Variants in P3H2 observed in about 807,000 individuals in gnomAD.
The protein encoded by P3H2 is leprecan-like 1.
P3H2 carries 80 observed loss-of-function variants against 87.0 expected under a neutral mutation model. That is an observed-to-expected ratio of 0.92 (90% CI 0.77 to 1.11). The LOEUF (loss-of-function observed/expected upper bound fraction) is 1.11. Ranked by LOEUF, P3H2 falls within the 50% of genes least tolerant of loss-of-function variation. The pLI, the probability that P3H2 is intolerant of heterozygous loss-of-function variation, is 0.00. For synonymous variants in P3H2, 367 were observed against 359.3 expected (o/e 1.02, Z -0.24); for missense variants, 1,001 against 923.9 (o/e 1.08, Z -1.08).
At chr3:189,988,649 A>C (rs1723781319) in intron 4 of P3H2, among the ~76,000 whole-genome samples, 1 of 152,182 alleles carries the variant, frequency 6.6e-6, no homozygotes, top group Admixed American at 6.5e-5. Context: ...TAAAAAAATT[A>C]AGTCTAAAAA....
chr3:190,088,064 G>A (rs1358445760), intron 1 of P3H2, among the ~76,000 whole-genome samples: 2 of 151,966 alleles, frequency 1.3e-5, no homozygotes, highest in Non-Finnish European at 2.9e-5. Flanking sequence ...CAAGGTAAGC[G>A]CAACAGAGAC....
At chr3:190,113,011 A>G (rs917548706) in intron 1 of P3H2, among the ~76,000 whole-genome samples, 1 of 152,220 alleles carries the variant, frequency 6.6e-6, no homozygotes, top group Non-Finnish European at 1.5e-5. Flanking sequence ...TCTTGGCTGA[A>G]TAACTTATGT....
chr3:190,071,794 A>G (rs1206216644), intron 1 of P3H2, among the ~76,000 whole-genome samples: 1 of 152,124 alleles, frequency 6.6e-6, no homozygotes, highest in Non-Finnish European at 1.5e-5. Context: ...ATTATAGGTG[A>G]TCAATAATTG....
intron 1 of P3H2, among the ~76,000 whole-genome samples, chr3:190,036,798 T>G (rs1019499567): frequency 1.3e-5 from 2 of 152,124 alleles, no homozygotes; most frequent in African/African-American, 4.8e-5. Flanking sequence ...GATGATCCCT[T>G]CTCCTCCACT....
intron 3 of P3H2, among the ~76,000 whole-genome samples, chr3:189,993,640 T>C (rs1723949490): frequency 6.6e-6 from 1 of 152,158 alleles, no homozygotes; most frequent in Non-Finnish European, 1.5e-5. Context: ...TTTATAATAA[T>C]GAAAAATTTC....
chr3:190,112,609 G>A (rs1712112828), intron 1 of P3H2, among the ~76,000 whole-genome samples: 1 of 152,074 alleles, frequency 6.6e-6, no homozygotes, highest in South Asian at 2.1e-4. Context: ...GACAATGCAG[G>A]GGTAGGGCCA....
intron 1 of P3H2, among the ~76,000 whole-genome samples, chr3:190,027,542 C>T (rs557182068): frequency 6.6e-6 from 1 of 151,294 alleles, no homozygotes; most frequent in South Asian, 2.1e-4. Context: ...TATAAAAGGG[C>T]TTGTACATAT....
At position 190,083,948 on chromosome 3, in the gene P3H2, C is replaced by G. The variant is rs1428294467; in HGVS notation, c.480+36304G>C. Among the ~76,000 whole-genome samples the G allele has an allele frequency of 3.3e-5, 5 of 152,244 alleles. No individual in the cohort carries two copies. The East Asian group carries it at 9.6e-4, about 29-fold the overall frequency. On this transcript the variant is annotated intron_variant, in intron 1 of 14. Transcript: ENST00000319332. The stretch of plus-strand genomic sequence containing the variant: ...ATGTTTTCATTTTAATAACATTCTT[C>G]TAGGTTAAGAGTCTAAGTACCTAAT...
chr3:190,107,228 T>C (rs1408608712), intron 1 of P3H2, among the ~76,000 whole-genome samples: 2 of 152,182 alleles, frequency 1.3e-5, no homozygotes, highest in Non-Finnish European at 2.9e-5. Flanking sequence ...TTTCTTGATA[T>C]ATATTTGGAT....
chr3:190,007,441 T>C (rs1266835787), intron 1 of P3H2, among the ~76,000 whole-genome samples: 1 of 152,158 alleles, frequency 6.6e-6, no homozygotes. Context: ...CTAGTTTGTG[T>C]TTGATATAAT....
At chr3:189,969,228 C>T (rs1003219782) in intron 13 of P3H2, 6 of 752,754 alleles carry the variant, frequency 8.0e-6, no homozygotes, top group African/African-American at 5.2e-5. Context: ...TGGCAATACT[C>T]GCATAACAAA....
rs1009252626 is a variant in P3H2, at chr3:190,020,742, C to G, written c.481-25300G>C. On this transcript the variant is annotated intron_variant, in intron 1 of 14. Transcript: ENST00000319332. ...TCTGGCTGGGCGGCTGCTACCCACA[C>G]GTTGATTACTTTAAGCCTGCTGAAG... is the stretch of plus-strand genomic sequence containing the variant. Among the ~76,000 whole-genome samples the G allele has an allele frequency of 1.5e-5, 2 of 133,686 alleles. 1 individual carries two copies. The highest frequency in any genetic ancestry group is 5.2e-5 in the African/African-American group (2 of 38,648). 87.7% of individuals were successfully genotyped at this position (133,686 alleles called of 152,430 possible).
intron 1 of P3H2, among the ~76,000 whole-genome samples, chr3:190,033,689 A>G (rs887659979): frequency 2.6e-5 from 4 of 152,122 alleles, no homozygotes; most frequent in African/African-American, 9.7e-5. Context: ...CTTGGCTGTA[A>G]AAGTCCCAAA....
At chr3:190,019,209 G>A (rs150435431) in intron 1 of P3H2, among the ~76,000 whole-genome samples, 18 of 152,300 alleles carry the variant, frequency 1.2e-4, no homozygotes, top group African/African-American at 4.3e-4. Context: ...CCCTCCCAGT[G>A]TCTGTCAACA....
rs556544051 is a variant in P3H2, at chr3:190,001,461, C to T, written c.481-6019G>A. ...TCTTTTTCTACTTTCGTCACCCTAA[C>T]TTTGGGAATTTATCCATTACATTTT... is the stretch of plus-strand genomic sequence containing the variant. On this transcript the variant is annotated intron_variant, in intron 1 of 14. Coordinates refer to ENST00000319332, the MANE Select transcript of P3H2 (RefSeq NM_018192.4). Among the ~76,000 whole-genome samples the T allele has an allele frequency of 2.0e-5, 3 of 152,310 alleles. No individual in the cohort carries two copies. In the South Asian group the frequency reaches 6.2e-4, roughly 32 times the overall value.
intron 1 of P3H2, among the ~76,000 whole-genome samples, chr3:190,069,962 T>TTC (rs1726643621): frequency 6.6e-6 from 1 of 151,516 alleles, no homozygotes; most frequent in South Asian, 2.1e-4. Flanking sequence ...TTTTTTTTTT[T>TTC]TTCTTCTTCT....
intron 1 of P3H2, among the ~76,000 whole-genome samples, chr3:190,090,844 T>G (rs188490067): frequency 6.6e-6 from 1 of 152,016 alleles, no homozygotes; most frequent in Non-Finnish European, 1.5e-5. Flanking sequence ...ATTTCCTCTG[T>G]GTGGAATGTT....
chr3:190,110,348 C>T (rs1348656267), intron 1 of P3H2, among the ~76,000 whole-genome samples: 1 of 152,072 alleles, frequency 6.6e-6, no homozygotes, highest in Non-Finnish European at 1.5e-5. Context: ...GGACAGCTTG[C>T]CACAACAAAG....
At position 189,963,922 on chromosome 3, in the gene P3H2, A is replaced by T. The variant is rs776239663; in HGVS notation, c.2034+36T>A. On this transcript the variant is annotated intron_variant, in intron 14 of 14. Transcript: ENST00000319332. ...CTCAGATAAAGCAGTTCATGAAGCAAGCCTAATTGGCTTTCTGGGCGGGTG... is the reference window on the plus strand; with the variant it reads ...CTCAGATAAAGCAGTTCATGAAGCATGCCTAATTGGCTTTCTGGGCGGGTG... The T allele has an allele frequency of 9.3e-6, 15 of 1,613,432 alleles. No homozygotes were observed. The South Asian group carries it at 1.6e-4, about 18-fold the overall frequency.
Sources: gnomAD v4.1 joint callset for allele counts (sites outside exome capture counted in the v4.1 genomes callset) on GRCh38, gnomAD v4.1.1 for gene constraint, MANE v1.5 for transcripts, NCBI Gene and HGNC (gene_info 2026-07-23, HGNC 2026-07-21) for gene names.